Variants in DOK6 observed in about 807,000 individuals in gnomAD.
DOK6 encodes downstream of tyrosine kinase 6.
In DOK6, 22 loss-of-function variants were observed where a neutral mutation model predicts 44.0. The ratio of observed to expected loss-of-function variants is 0.50; its 90% CI spans 0.36 to 0.71. The LOEUF (loss-of-function observed/expected upper bound fraction) is 0.71. Among genes scored for constraint, DOK6 ranks in the 30% least tolerant of loss-of-function variants. The probability of loss-of-function intolerance (pLI) is 0.00; values close to 1 mark genes in which losing one functional copy is unlikely to be tolerated. For synonymous variants in DOK6, 166 were observed against 145.5 expected, an observed-to-expected ratio of 1.14 and a Z score of -1.01; for missense variants, 340 against 416.4, an observed-to-expected ratio of 0.82 and a Z score of 1.60.
intron 1 of DOK6, among the ~76,000 whole-genome samples, chr18:69,550,490 T>A (rs141722704): frequency 0.017 from 2,515 of 152,292 alleles, 30 homozygotes; most frequent in Non-Finnish European, 0.021. Flanking sequence ...TGAGATTCCC[T>A]GGGTAAACAA....
rs1555670147 is a variant in DOK6, at chr18:69,774,133, G to GAGATATATATATATATATATATAT, written c.856+16261_856+16262insGATATATATATATATATATATATA. Reference sequence around the variant, plus strand: ...TAGATTTATATAGATATATATATGAGATATATATATATATATATATATAAT... The same window carrying GAGATATATATATATATATATATAT: ...TAGATTTATATAGATATATATATGAGAGATATATATATATATATATATATATATATATATATATATATATATAAT... On this transcript the variant is annotated intron_variant, in intron 7 of 7. Coordinates refer to ENST00000382713, the MANE Select transcript of DOK6 (RefSeq NM_152721.6). Among the ~76,000 whole-genome samples the GAGATATATATATATATATATATAT allele has an allele frequency of 4.9e-4, 33 of 66,892 alleles. 1 individual carries two copies. In the East Asian group the frequency reaches 6.9e-3, roughly 14 times the overall value. 43.9% of individuals were successfully genotyped at this position (66,892 alleles called of 152,430 possible). A position where few individuals can be genotyped will look rare whatever the true frequency, so the allele number is the denominator to read the frequency against.
At chr18:69,728,547 T>C (rs571479555) in intron 5 of DOK6, among the ~76,000 whole-genome samples, 1 of 151,966 alleles carries the variant, frequency 6.6e-6, no homozygotes, top group Non-Finnish European at 1.5e-5. Context: ...ATACTTTCCA[T>C]AGCAAATCAA....
chr18:69,604,326 T>C (rs1983945854), intron 3 of DOK6, among the ~76,000 whole-genome samples: 1 of 152,196 alleles, frequency 6.6e-6, no homozygotes, highest in South Asian at 2.1e-4. Context: ...AAGTCTGAAA[T>C]GTGAAGGTTT....
intron 1 of DOK6, among the ~76,000 whole-genome samples, chr18:69,510,590 A>G (rs774048381): frequency 7.2e-5 from 11 of 152,196 alleles, no homozygotes; most frequent in Non-Finnish European, 1.2e-4. Context: ...CAACGTGAAT[A>G]CATTGTGTCA....
At chr18:69,608,715 G>A (rs1038691456) in intron 3 of DOK6, among the ~76,000 whole-genome samples, 1 of 151,820 alleles carries the variant, frequency 6.6e-6, no homozygotes, top group African/African-American at 2.4e-5. Context: ...AATTTGGGAG[G>A]CCGAGGCGGG....
intron 2 of DOK6, among the ~76,000 whole-genome samples, chr18:69,595,231 G>A (rs953711381): frequency 3.3e-5 from 5 of 152,222 alleles, no homozygotes; most frequent in African/African-American, 1.2e-4. Context: ...TTTTTTTACA[G>A]AATTAGAAAA....
chr18:69,639,725 G>A (rs921192943), intron 3 of DOK6, among the ~76,000 whole-genome samples: 1 of 152,072 alleles, frequency 6.6e-6, no homozygotes, highest in Non-Finnish European at 1.5e-5. Flanking sequence ...GAAAGAGTGG[G>A]GAGGAAATAA....
In DOK6 at chr18:69,677,839, A is replaced by G; in HGVS notation, c.395A>G (p.Gln132Arg). 1.2e-6 allele frequency: 2 copies of G among 1,613,568 alleles called. No individual in the cohort carries two copies. Among genetic ancestry groups the G allele is most frequent in the Non-Finnish European group, 1.7e-6 (2 of 1,179,662 alleles). Residue 132 changes from glutamine to arginine, a missense_variant, in exon 4 of 8, where the codon CAG (glutamine) becomes CGG (arginine). Transcript: ENST00000382713. ...GEPDLLAAGVQREQNERFNVY... is the reference protein window; with the variant it reads ...GEPDLLAAGVRREQNERFNVY... The stretch of plus-strand genomic sequence containing the variant: ...CCCGACCTTCTGGCCGCAGGAGTGC[A>G]GCGGGAACAGAATGGTAGGTGTGAG...
At chr18:69,840,867 G>A (rs1416043047) in intron 7 of DOK6, among the ~76,000 whole-genome samples, 2 of 152,214 alleles carry the variant, frequency 1.3e-5, no homozygotes, top group African/African-American at 4.8e-5. Flanking sequence ...AAAGAAAGCA[G>A]CTTACAGGCT....
Position 69,401,364 on chromosome 18 carries a change from C to T in DOK6, c.66+54C>T, listed in dbSNP as rs528990882. The T allele has an allele frequency of 1.1e-3, 1,486 of 1,399,270 alleles. 1 individual carries two copies. Among genetic ancestry groups the T allele is most frequent in the Non-Finnish European group, 1.3e-3 (1,376 of 1,070,978 alleles). The allele number at this position is 1,399,270 out of a possible 1,614,324, so 86.7% of individuals were successfully genotyped here. A position where few individuals can be genotyped will look rare whatever the true frequency, so the allele number is the denominator to read the frequency against. On this transcript the variant is annotated intron_variant, in intron 1 of 7. Coordinates refer to ENST00000382713, the MANE Select transcript of DOK6 (RefSeq NM_152721.6). ...CCCGGCGCTCGTTCGGCCCGGCTGG[C>T]TGCCTGGGGGGGGGGCAGGGAGAGG...
rs201185756 is a variant in DOK6, at chr18:69,636,871, C to CA, written c.289+37381dup. 7.2e-3 allele frequency among the ~76,000 whole-genome samples: 1,091 copies of CA among 151,482 alleles called. 13 individuals are homozygous for CA. Among genetic ancestry groups the CA allele is most frequent in the African/African-American group, 0.025 (1,021 of 41,312 alleles). On this transcript the variant is annotated intron_variant, in intron 3 of 7. Transcript: ENST00000382713. ...TGAAGTTCAAAGTCAGCTGAAAGGC[C>CA]AAAAAAAAGGATGCAAAGGCAAAAT...
At chr18:69,786,046 A>G (rs1033259483) in intron 7 of DOK6, among the ~76,000 whole-genome samples, 2 of 152,176 alleles carry the variant, frequency 1.3e-5, no homozygotes, top group African/African-American at 4.8e-5. Context: ...TTGTTTATCA[A>G]TTGTGCTTTC....
At chr18:69,568,597 C>A (rs1231364775) in intron 2 of DOK6, among the ~76,000 whole-genome samples, 10 of 152,134 alleles carry the variant, frequency 6.6e-5, no homozygotes, top group African/African-American at 9.7e-5. Context: ...TTCCCAACTA[C>A]CAGGGCATGA....
chr18:69,525,739 T>C (rs954454597), intron 1 of DOK6, among the ~76,000 whole-genome samples: 8 of 152,076 alleles, frequency 5.3e-5, no homozygotes, highest in Non-Finnish European at 1.2e-4. Context: ...CACTGTAGCA[T>C]AAAAGTAGCC....
chr18:69,817,924 C>T (rs1981448582), intron 7 of DOK6, among the ~76,000 whole-genome samples: 1 of 152,142 alleles, frequency 6.6e-6, no homozygotes, highest in Non-Finnish European at 1.5e-5. Context: ...TAGACTAAAG[C>T]AAAGGCCCAT....
chr18:69,430,110 T>C, intron 1 of DOK6, among the ~76,000 whole-genome samples: 1 of 152,114 alleles, frequency 6.6e-6, no homozygotes, highest in East Asian at 1.9e-4. Flanking sequence ...AGAGGGACAA[T>C]TATAACTATT....
At chr18:69,746,812 C>G (rs1979000682) in intron 6 of DOK6, among the ~76,000 whole-genome samples, 1 of 152,146 alleles carries the variant, frequency 6.6e-6, no homozygotes, top group South Asian at 2.1e-4. Context: ...AATTGGTGTT[C>G]TTCTTGAACA....
chr18:69,788,971 G>A lies in DOK6; in HGVS notation c.856+31098G>A, dbSNP rs75269985. ...ATATGACTTCAACTCGTCTTAACAA[G>A]GTTGGTATTCCCAATAAACAGTTCC... On this transcript the variant is annotated intron_variant, in intron 7 of 7. Coordinates refer to ENST00000382713, the MANE Select transcript of DOK6 (RefSeq NM_152721.6). 3.3e-5 allele frequency among the ~76,000 whole-genome samples: 5 copies of A among 152,302 alleles called. No homozygotes were observed. In the East Asian group the frequency reaches 7.7e-4, roughly 23 times the overall value.
At chr18:69,792,026 T>C (rs1234495805) in intron 7 of DOK6, among the ~76,000 whole-genome samples, 1 of 152,156 alleles carries the variant, frequency 6.6e-6, no homozygotes, top group Non-Finnish European at 1.5e-5. Context: ...CCCTAATGCA[T>C]GTTCCTGGTG....
Sources: gnomAD v4.1 joint callset for allele counts (sites outside exome capture counted in the v4.1 genomes callset) on GRCh38, gnomAD v4.1.1 for gene constraint, MANE v1.5 for transcripts, NCBI Gene and HGNC (gene_info 2026-07-23, HGNC 2026-07-21) for gene names.